Variants in IGF1R observed in about 807,000 individuals in gnomAD.
IGF1R encodes insulin-like growth factor 1 receptor.
Under a neutral mutation model 144.6 loss-of-function variants are expected in IGF1R, and 44 were observed. The observed-to-expected ratio is 0.30, with a 90% confidence interval of 0.24 to 0.39. The LOEUF is 0.39. Ranked by LOEUF, IGF1R falls within the 10% of genes least tolerant of loss-of-function variation. The pLI, the probability that IGF1R is intolerant of heterozygous loss-of-function variation, is 1.00. For missense variants in IGF1R, 1,355 were observed against 1,833.7 expected, an observed-to-expected ratio of 0.74 and a Z score of 4.77; for synonymous variants, 795 against 722.8, an observed-to-expected ratio of 1.10 and a Z score of -1.60.
At position 98,649,449 on chromosome 15, in the gene IGF1R, G is replaced by A. The variant is rs2052284619; in HGVS notation, c.-133G>A. The A allele has an allele frequency of 3.0e-6, 2 of 665,252 alleles. No homozygotes were observed. Among genetic ancestry groups the A allele is most frequent in the South Asian group, 1.9e-5 (1 of 52,932 alleles). The allele number at this position is 665,252 out of a possible 1,614,324, so 41.2% of individuals were successfully genotyped here. ...CCGCCTTCGGAGTATTGTTTCCTTCGCCCTTGTTTTTGGAGGGGGAGCGAA... is the reference window on the plus strand; with the variant it reads ...CCGCCTTCGGAGTATTGTTTCCTTCACCCTTGTTTTTGGAGGGGGAGCGAA... On this transcript the variant is annotated 5_prime_UTR_variant, in exon 1 of 21. Coordinates refer to ENST00000650285, the MANE Select transcript of IGF1R (RefSeq NM_000875.5).
At chr15:98,697,752 T>A (rs1184255944) in intron 1 of IGF1R, among the ~76,000 whole-genome samples, 3 of 152,236 alleles carry the variant, frequency 2.0e-5, no homozygotes, top group Non-Finnish European at 2.9e-5. Context: ...AACTTTTTTT[T>A]ATTGAGACAG....
At chr15:98,665,053 G>T (rs1331549641) in intron 1 of IGF1R, among the ~76,000 whole-genome samples, 1 of 151,210 alleles carries the variant, frequency 6.6e-6, no homozygotes, top group Non-Finnish European at 1.5e-5. Context: ...CACCTCCCGG[G>T]TTCACGCCAT....
At position 98,891,640 on chromosome 15, in the gene IGF1R, C is replaced by G; in HGVS notation, c.953+3C>G. 1.3e-6 allele frequency: 2 copies of G among 1,599,792 alleles called. No homozygotes were observed. Among genetic ancestry groups the G allele is most frequent in the Non-Finnish European group, 1.7e-6 (2 of 1,179,838 alleles). On this transcript the variant is annotated splice_donor_region_variant and intron_variant, in intron 3 of 20. Transcript: ENST00000650285. This position sits in a 1 kb window ranked among gnomAD's most constrained non-coding sequence, Gnocchi z 4.7. ...TTCATCCGCAACGGCAGCCAGAGGT[C>G]AGTCGCGGCCACACGTGTGGTCACT...
At chr15:98,685,266 GA>G (rs1276946229) in intron 1 of IGF1R, among the ~76,000 whole-genome samples, 1 of 152,178 alleles carries the variant, frequency 6.6e-6, no homozygotes, top group Non-Finnish European at 1.5e-5. Context: ...CTTTGAAGAA[GA>G]ATGATGCTGT....
intron 2 of IGF1R, among the ~76,000 whole-genome samples, chr15:98,760,063 G>A (rs886315872): frequency 2.6e-5 from 4 of 152,014 alleles, no homozygotes; most frequent in African/African-American, 9.7e-5. Context: ...CATCTGACTG[G>A]GCGCGGTGGC....
chr15:98,748,113 A>G lies in IGF1R; in HGVS notation c.640+40006A>G, dbSNP rs192288300. Among the ~76,000 whole-genome samples, 636 of 152,294 alleles carry G rather than the reference A, an allele frequency of 4.2e-3. 6 individuals are homozygous for G. The highest frequency in any genetic ancestry group is 7.6e-3 in the Admixed American group (116 of 15,298). On this transcript the variant is annotated intron_variant, in intron 2 of 20. Coordinates refer to ENST00000650285, the MANE Select transcript of IGF1R (RefSeq NM_000875.5). Reference sequence around the variant, plus strand: ...CTATCAGAGAAATGTTTCTCATGTGACAAATATAATGCTTTCATATTTACT... The same window carrying G: ...CTATCAGAGAAATGTTTCTCATGTGGCAAATATAATGCTTTCATATTTACT...
At chr15:98,899,396 C>A in intron 4 of IGF1R, 81 bp from the exon 5 acceptor site, 2 of 1,450,236 alleles carry the variant, frequency 1.4e-6, no homozygotes, top group Non-Finnish European at 1.9e-6. Context: ...TTGAATTGTT[C>A]TCACTTGTGT....
At position 98,679,606 on chromosome 15, in the gene IGF1R, G is replaced by A. The variant is rs554146386; in HGVS notation, c.95-27956G>A. ...GCTTCCAGTCAGATGAAAGTGCAGC[G>A]CATACAATTGTGTGCGGTACCTAAT... On this transcript the variant is annotated intron_variant, in intron 1 of 20. Transcript: ENST00000650285. Among the ~76,000 whole-genome samples the A allele has an allele frequency of 2.9e-3, 441 of 152,312 alleles. 2 individuals carry two copies. The highest frequency in any genetic ancestry group is 5.3e-3 in the Non-Finnish European group (359 of 68,030).
chr15:98,901,021 T>C (rs970311385), intron 5 of IGF1R, among the ~76,000 whole-genome samples: 8 of 152,256 alleles, frequency 5.3e-5, no homozygotes, highest in Non-Finnish European at 8.8e-5. Flanking sequence ...GGTTACCTTT[T>C]CATGGAGTGT....
rs35222577 is a variant in IGF1R, at chr15:98,924,482, C to T, written c.2623-43C>T. On this transcript the variant is annotated intron_variant, in intron 12 of 20. Coordinates refer to ENST00000650285, the MANE Select transcript of IGF1R (RefSeq NM_000875.5). ...TTTAGTTGGCAGGCCCCAGATTTCT[C>T]CTGCATTCATGGGAAATTGACATGT... The T allele has an allele frequency of 5.6e-6, 9 of 1,608,012 alleles. No homozygotes were observed. The East Asian group carries it at 1.8e-4, about 32-fold the overall frequency.
At chr15:98,752,687 GAAA>G (rs60896795) in intron 2 of IGF1R, among the ~76,000 whole-genome samples, 28 of 147,616 alleles carry the variant, frequency 1.9e-4, no homozygotes, top group African/African-American at 6.4e-4. Context: ...CCGTCTCAAA[GAAA>G]AAAAAAAAGA....
chr15:98,729,437 T>C (rs1009925984), intron 2 of IGF1R, among the ~76,000 whole-genome samples: 3 of 152,228 alleles, frequency 2.0e-5, no homozygotes, highest in Non-Finnish European at 4.4e-5. Flanking sequence ...GTTTGGAATT[T>C]TTTAACCATG....
Position 98,839,730 on chromosome 15 carries a change from A to C in IGF1R, c.641-51595A>C, listed in dbSNP as rs531878569. Among the ~76,000 whole-genome samples the C allele has an allele frequency of 2.6e-4, 40 of 152,274 alleles. 1 individual carries two copies. The South Asian group carries it at 8.1e-3, about 31-fold the overall frequency. Reference sequence around the variant, plus strand: ...GACAGATCTGAGGGCATCCAGAAGGAATCTCCACAAGCCCAGCCTCCACAG... The same window carrying C: ...GACAGATCTGAGGGCATCCAGAAGGCATCTCCACAAGCCCAGCCTCCACAG... On this transcript the variant is annotated intron_variant, in intron 2 of 20. Coordinates refer to ENST00000650285, the MANE Select transcript of IGF1R (RefSeq NM_000875.5).
At chr15:98,867,554 C>T (rs893143631) in intron 2 of IGF1R, among the ~76,000 whole-genome samples, 3 of 152,058 alleles carry the variant, frequency 2.0e-5, no homozygotes, top group African/African-American at 7.2e-5. Context: ...TTCTTGTCCT[C>T]CCGTTAGGTA....
rs754278064 is a variant in IGF1R, at chr15:98,908,678, C to T, written c.1248-7C>T. The T allele has an allele frequency of 3.7e-6, 6 of 1,612,586 alleles. No individual in the cohort carries two copies. The highest frequency in any genetic ancestry group is 4.2e-6 in the Non-Finnish European group (5 of 1,179,062). On this transcript the variant is annotated splice_region_variant and splice_polypyrimidine_tract_variant and intron_variant, in intron 5 of 20. Coordinates refer to ENST00000650285, the MANE Select transcript of IGF1R (RefSeq NM_000875.5). ...AGGTGCGCTAACATCGATTTCTGTG[C>T]TTCTAGGAATTACTCCTTCTACGTC...
intron 20 of IGF1R, 31 bp downstream of exon 20, chr15:98,948,739 C>G: frequency 6.2e-7 from 1 of 1,612,200 alleles, no homozygotes; most frequent in Non-Finnish European, 8.5e-7. Context: ...CCGTGCTCTT[C>G]TGAGTTCTCT....
intron 10 of IGF1R, among the ~76,000 whole-genome samples, chr15:98,917,942 C>T (rs1482585576): frequency 6.6e-6 from 1 of 152,164 alleles, no homozygotes; most frequent in African/African-American, 2.4e-5. Context: ...TCTGTGAATG[C>T]AATTAATGCC....
chr15:98,887,217 A>C (rs183739058), intron 2 of IGF1R, among the ~76,000 whole-genome samples: 1 of 151,862 alleles, frequency 6.6e-6, no homozygotes, highest in East Asian at 1.9e-4. Flanking sequence ...GCACGGACTG[A>C]CTGACTGGAT....
chr15:98,917,512 T>TG (rs1370618046), intron 10 of IGF1R, among the ~76,000 whole-genome samples: 2 of 151,888 alleles, frequency 1.3e-5, no homozygotes, highest in Non-Finnish European at 2.9e-5. Context: ...TTCTGGGGAG[T>TG]GGGGACAAAA....
Sources: allele counts gnomAD v4.1 joint callset (sites outside exome capture counted in the v4.1 genomes callset), GRCh38; gene constraint gnomAD v4.1.1; non-coding constraint Gnocchi (gnomAD v3.1); transcripts MANE v1.5; gene names NCBI Gene and HGNC (gene_info 2026-07-23, HGNC 2026-07-21).